MCOLN2: variants seen among roughly 807,000 people sequenced by gnomAD.
MCOLN2 encodes mucolipin-2.
Under a neutral mutation model 67.5 loss-of-function variants are expected in MCOLN2, and 57 were observed. The ratio of observed to expected loss-of-function variants is 0.84; its 90% CI spans 0.68 to 1.05. The LOEUF (loss-of-function observed/expected upper bound fraction) is 1.05. Among genes scored for constraint, MCOLN2 ranks in the 50% least tolerant of loss-of-function variants. The probability of loss-of-function intolerance (pLI) is 0.00; values close to 1 mark genes in which losing one functional copy is unlikely to be tolerated. For synonymous variants in MCOLN2, 246 were observed against 233.3 expected (o/e 1.05, Z -0.50); for missense variants, 620 against 678.8 (o/e 0.91, Z 0.96).
intron 1 of MCOLN2, among the ~76,000 whole-genome samples, chr1:84,975,720 A>G (rs1389430734): frequency 6.6e-6 from 1 of 152,192 alleles, no homozygotes; most frequent in Non-Finnish European, 1.5e-5. Context: ...AGAAACAGAG[A>G]CAGGTGACCT....
intron 7 of MCOLN2, among the ~76,000 whole-genome samples, chr1:84,945,601 T>C (rs1648050853): frequency 6.6e-6 from 1 of 152,204 alleles, no homozygotes. Context: ...TCTGATAACC[T>C]GGTCAAAAGG....
rs1457017917 is a variant in MCOLN2, at chr1:84,935,715, T to C, written c.1335+2040A>G. Among the ~76,000 whole-genome samples the C allele has an allele frequency of 2.0e-5, 3 of 152,356 alleles. 1 individual carries two copies. The East Asian group carries it at 5.8e-4, about 29-fold the overall frequency. The stretch of plus-strand genomic sequence containing the variant: ...AAATTTTACAGTATAGGCAAGGCTC[T>C]CAATTGTAGCCCAAACTGTATTTTT... On this transcript the variant is annotated intron_variant, in intron 11 of 13. Coordinates refer to ENST00000370608, the MANE Select transcript of MCOLN2 (RefSeq NM_153259.4).
intron 7 of MCOLN2, among the ~76,000 whole-genome samples, chr1:84,941,235 G>C (rs1017233358): frequency 6.6e-6 from 1 of 152,168 alleles, no homozygotes; most frequent in South Asian, 2.1e-4. Flanking sequence ...GGTGGCTCAC[G>C]CCTGTAATCC....
Position 84,933,216 on chromosome 1 carries a change from C to A in MCOLN2, c.1336-1648G>T, listed in dbSNP as rs553005308. Among the ~76,000 whole-genome samples, 3 of 152,172 alleles carry A rather than the reference C, an allele frequency of 2.0e-5. No homozygotes were observed. In the South Asian group the frequency reaches 6.2e-4, roughly 32 times the overall value. ...CTAGTCCTTTCTCTGCACTCCGTAT[C>A]GGTAAGAATCACAGAATGAACTATG... On this transcript the variant is annotated intron_variant, in intron 11 of 13. Transcript: ENST00000370608.
rs1368651093 is a variant in MCOLN2, at chr1:84,965,639, G to A, written c.147C>T (p.Phe49=). The A allele has an allele frequency of 6.2e-7, 1 of 1,613,926 alleles. No individual in the cohort carries two copies. Among genetic ancestry groups the A allele is most frequent in the South Asian group, 1.1e-5 (1 of 91,082 alleles). Reference sequence around the variant, plus strand: ...CTCGGTATTTTTCACAAGGGCTCATGAAGTAAAACTTCAGGTCTTCCCTTA... The same window carrying A: ...CTCGGTATTTTTCACAAGGGCTCATAAAGTAAAACTTCAGGTCTTCCCTTA... ...ECLREDLKFY[F]MSPCEKYRAR... The change falls in exon 2 of 14, where the codon TTC becomes TTT. Residue 49 remains phenylalanine (F), a synonymous_variant. Coordinates refer to ENST00000370608, the MANE Select transcript of MCOLN2 (RefSeq NM_153259.4).
chr1:84,967,885 AGAGG>A (rs1211771185), intron 1 of MCOLN2, among the ~76,000 whole-genome samples: 1 of 142,452 alleles, frequency 7.0e-6, no homozygotes, highest in African/African-American at 2.6e-5. Context: ...AGAGAAGGAG[AGAGG>A]GAGGGAGGGA....
intron 1 of MCOLN2, among the ~76,000 whole-genome samples, chr1:84,974,816 G>A (rs2102871171): frequency 6.6e-6 from 1 of 152,232 alleles, no homozygotes; most frequent in South Asian, 2.1e-4. Flanking sequence ...TGCCCTGAAG[G>A]ATGAGTCTCA....
At chr1:84,976,274 G>A (rs563670497) in intron 1 of MCOLN2, among the ~76,000 whole-genome samples, 1 of 142,860 alleles carries the variant, frequency 7.0e-6, no homozygotes, top group East Asian at 2.1e-4. Flanking sequence ...TTAAAGAATG[G>A]ATCCTAAAAG....
At chr1:84,941,746 TG>T (rs1647797495) in intron 7 of MCOLN2, among the ~76,000 whole-genome samples, 1 of 152,210 alleles carries the variant, frequency 6.6e-6, no homozygotes, top group Non-Finnish European at 1.5e-5. Context: ...TCCCCACTTC[TG>T]CTTCTCAACC....
intron 7 of MCOLN2, among the ~76,000 whole-genome samples, chr1:84,944,791 T>C (rs1339128337): frequency 6.6e-6 from 1 of 152,116 alleles, no homozygotes; most frequent in Non-Finnish European, 1.5e-5. Flanking sequence ...GAGAGGAGCC[T>C]GGGGGTAAGC....
intron 11 of MCOLN2, 120 bp downstream of exon 11, chr1:84,937,635 T>A: frequency 6.7e-7 from 1 of 1,488,676 alleles, no homozygotes; most frequent in African/African-American, 1.4e-5. Flanking sequence ...TACAAAGATA[T>A]GTGATTACTG....
intron 1 of MCOLN2, among the ~76,000 whole-genome samples, chr1:84,975,869 GA>G (rs1353153095): frequency 2.0e-5 from 3 of 152,010 alleles, no homozygotes; most frequent in Admixed American, 1.3e-4. Flanking sequence ...TTCTGGAGCT[GA>G]AAAATGCAAT....
rs1487153696 is a variant in MCOLN2, at chr1:84,952,482, C to G, written c.614G>C (p.Trp205Ser). 1 of 1,613,036 alleles carries G rather than the reference C, an allele frequency of 6.2e-7. No homozygotes were observed. The highest frequency in any genetic ancestry group is 1.3e-5 in the African/African-American group (1 of 75,000). Residue 205 changes from tryptophan to serine, a missense_variant, in exon 5 of 14, where the codon TGG becomes TCG. By Grantham distance (177) the Trp-to-Ser change is radical (BLOSUM62 -3). Transcript: ENST00000370608. ...CAGTCTGAAGAATGATGAGTTCTTC[C>G]AGTCCGGAGGCTTCTTGGAGAGGTC... ...LQDLSKKPPD[W>S]KNSSFFRLEF... is the part of the protein sequence containing the mutation.
intron 13 of MCOLN2, among the ~76,000 whole-genome samples, chr1:84,927,066 G>A (rs1252343585): frequency 6.6e-6 from 1 of 152,008 alleles, no homozygotes; most frequent in Non-Finnish European, 1.5e-5. Flanking sequence ...AGGGGAGGGA[G>A]AGCATTAGGA....
chr1:84,965,825 C>A (rs1279448513), intron 1 of MCOLN2, 117 bp from the exon 2 acceptor site: 7 of 833,366 alleles, frequency 8.4e-6, no homozygotes, highest in Non-Finnish European at 1.2e-5. Context: ...TACTGAAAAG[C>A]CTCTTTATGA....
At chr1:84,948,756 A>AT (rs768041619) in intron 6 of MCOLN2, among the ~76,000 whole-genome samples, 2 of 152,250 alleles carry the variant, frequency 1.3e-5, no homozygotes, top group Non-Finnish European at 2.9e-5. Context: ...CCAAACAAAA[A>AT]TCTTGGAGCT....
intron 1 of MCOLN2, among the ~76,000 whole-genome samples, chr1:84,965,930 T>C (rs1438915995): frequency 6.6e-6 from 1 of 152,150 alleles, no homozygotes; most frequent in East Asian, 1.9e-4. Flanking sequence ...ACCTCCTACC[T>C]TTCCACACAG....
At chr1:84,991,115 C>T (rs1650869925) in intron 1 of MCOLN2, among the ~76,000 whole-genome samples, 1 of 151,700 alleles carries the variant, frequency 6.6e-6, no homozygotes, top group East Asian at 1.9e-4. Context: ...CGTATGAATT[C>T]TTGAGTTATT....
chr1:84,961,786 C>A (rs1649098832), intron 2 of MCOLN2, among the ~76,000 whole-genome samples: 1 of 151,862 alleles, frequency 6.6e-6, no homozygotes, highest in Non-Finnish European at 1.5e-5. Flanking sequence ...TGTAGTCTGG[C>A]AAAGATTGTG....
Sources: gnomAD v4.1 joint callset for allele counts (sites outside exome capture counted in the v4.1 genomes callset) on GRCh38, gnomAD v4.1.1 for gene constraint, MANE v1.5 for transcripts, NCBI Gene and HGNC (gene_info 2026-07-23, HGNC 2026-07-21) for gene names.